KLF7: variants seen among roughly 807,000 people sequenced by gnomAD.
The protein encoded by KLF7 is KLF transcription factor 7.
Under a neutral mutation model 27.3 loss-of-function variants are expected in KLF7, and 2 were observed. The observed-to-expected ratio is 0.07, with a 90% CI of 0.03 to 0.23. The LOEUF (loss-of-function observed/expected upper bound fraction) is 0.23. Ranked by LOEUF, KLF7 falls within the 10% of genes least tolerant of loss-of-function variation. The pLI, the probability that KLF7 is intolerant of heterozygous loss-of-function variation, is 1.00. For missense variants in KLF7, 221 were observed against 394.1 expected, an observed-to-expected ratio of 0.56 and a Z score of 3.72; for synonymous variants, 165 against 162.4, an observed-to-expected ratio of 1.02 and a Z score of -0.12.
intron 1 of KLF7, among the ~76,000 whole-genome samples, chr2:207,148,541 A>G (rs1435577403): frequency 1.3e-5 from 2 of 152,212 alleles, no homozygotes; most frequent in Non-Finnish European, 2.9e-5. Context: ...TAGCCTAGTG[A>G]TCAGATCCAG....
At chr2:207,168,333 TAAAC>T (rs1559179334), upstream of KLF7, among the ~76,000 whole-genome samples, 1 of 152,234 alleles carries the variant, frequency 6.6e-6, no homozygotes, top group East Asian at 1.9e-4. Flanking sequence ...CGTATGCGCA[TAAAC>T]ACTTTATATG....
intron 1 of KLF7, among the ~76,000 whole-genome samples, chr2:207,136,180 G>A (rs2077781857): frequency 6.6e-6 from 1 of 151,938 alleles, no homozygotes; most frequent in South Asian, 2.1e-4. Context: ...TTCCTTCCCT[G>A]AAAAAAATGG....
intron 3 of KLF7, among the ~76,000 whole-genome samples, chr2:207,085,556 T>C (rs2076368386): frequency 6.6e-6 from 1 of 152,204 alleles, no homozygotes; most frequent in Non-Finnish European, 1.5e-5. Context: ...GCACTACTAC[T>C]GTGCTTTCTT....
rs116308054 is a variant in KLF7, at chr2:207,104,289, A to C, written c.734-15708T>G. Among the ~76,000 whole-genome samples the C allele has an allele frequency of 5.2e-3, 793 of 152,368 alleles. 12 individuals carry two copies. The highest frequency in any genetic ancestry group is 0.018 in the African/African-American group (768 of 41,588). On this transcript the variant is annotated intron_variant, in intron 2 of 3. Transcript: ENST00000309446. ...AGTGGCAGAATCAATCTCTGATGAA[A>C]TGTCTATATTTTCCTTCCTCGTGTA...
chr2:207,166,401 C>T (rs1339080225), upstream of KLF7: 6 of 157,836 alleles, frequency 3.8e-5, no homozygotes, highest in African/African-American at 1.4e-4. Context: ...AGCGCGAGCG[C>T]AAGGGACAGG....
chr2:207,105,844 C>A (rs2076871627), intron 2 of KLF7, among the ~76,000 whole-genome samples: 1 of 152,162 alleles, frequency 6.6e-6, no homozygotes. Flanking sequence ...GTCTCCTAGA[C>A]CCTAGCACAG....
chr2:207,092,619 G>A (rs1014876681), intron 2 of KLF7, among the ~76,000 whole-genome samples: 10 of 152,154 alleles, frequency 6.6e-5, no homozygotes, highest in Admixed American at 2.0e-4. Flanking sequence ...AAGAACTCGC[G>A]TTCTCCCACA....
chr2:207,147,922 T>C (rs1171746367), intron 1 of KLF7, among the ~76,000 whole-genome samples: 1 of 152,206 alleles, frequency 6.6e-6, no homozygotes, highest in East Asian at 1.9e-4. Flanking sequence ...GACAAAACCA[T>C]GTTTTCCAAT....
At chr2:207,111,910 C>T (rs1023770028) in intron 2 of KLF7, among the ~76,000 whole-genome samples, 2 of 152,080 alleles carry the variant, frequency 1.3e-5, no homozygotes, top group African/African-American at 4.8e-5. Flanking sequence ...ATCCAATCAA[C>T]CGGTGAAGAG....
At chr2:207,114,117 C>T (rs2077113093) in intron 2 of KLF7, among the ~76,000 whole-genome samples, 1 of 152,206 alleles carries the variant, frequency 6.6e-6, no homozygotes, top group African/African-American at 2.4e-5. Context: ...CCACACATTA[C>T]ATTTTCAAAT....
intron 2 of KLF7, among the ~76,000 whole-genome samples, chr2:207,107,369 A>G (rs758828947): frequency 5.9e-5 from 9 of 152,116 alleles, no homozygotes; most frequent in East Asian, 3.9e-4. Flanking sequence ...CCCCACCCCA[A>G]TCTTTTTTGT....
intron 1 of KLF7, among the ~76,000 whole-genome samples, chr2:207,141,822 T>G (rs1286713609): frequency 6.6e-6 from 1 of 152,164 alleles, no homozygotes; most frequent in Non-Finnish European, 1.5e-5. Flanking sequence ...CAAATTATGG[T>G]ATAACTGTCT....
In KLF7 at chr2:207,081,234, G is replaced by C; in HGVS notation, c.888C>G (p.Leu296=). The change falls in exon 4 of 4, where the codon CTC becomes CTG. Residue 296 remains leucine, a synonymous_variant. Transcript: ENST00000309446. The part of the protein sequence containing the change: ...RCFSRSDHLA[L]HMKRHI Reference sequence around the variant, plus strand: ...TTTTTTAGATATGTCTCTTCATGTGGAGGGCAAGATGGTCAGACCTGGAAA... The same window carrying C: ...TTTTTTAGATATGTCTCTTCATGTGCAGGGCAAGATGGTCAGACCTGGAAA... The C allele has an allele frequency of 6.2e-7, 1 of 1,614,118 alleles. No homozygotes were observed. The highest frequency in any genetic ancestry group is 8.5e-7 in the Non-Finnish European group (1 of 1,179,962).
chr2:207,145,797 T>C (rs189849330), intron 1 of KLF7, among the ~76,000 whole-genome samples: 10 of 150,844 alleles, frequency 6.6e-5, no homozygotes, highest in Admixed American at 4.6e-4. Context: ...GGTTCACCAC[T>C]GCATCCTCAG....
At position 207,099,892 on chromosome 2, in the gene KLF7, G is replaced by A. The variant is rs149840729; in HGVS notation, c.734-11311C>T. Reference sequence around the variant, plus strand: ...CACCTGTAATCCCAGCACTTTGGGAGGCCATAGCAGGCAGATCACCTGAGC... The same window carrying A: ...CACCTGTAATCCCAGCACTTTGGGAAGCCATAGCAGGCAGATCACCTGAGC... On this transcript the variant is annotated intron_variant, in intron 2 of 3. Transcript: ENST00000309446. Among the ~76,000 whole-genome samples the A allele has an allele frequency of 2.4e-3, 365 of 152,232 alleles. 2 individuals carry two copies. The highest frequency in any genetic ancestry group is 8.5e-3 in the African/African-American group (351 of 41,516).
At chr2:207,107,108 C>T (rs147322716) in intron 2 of KLF7, among the ~76,000 whole-genome samples, 208 of 152,200 alleles carry the variant, frequency 1.4e-3, no homozygotes, top group Non-Finnish European at 2.6e-3. Context: ...ATACCTGCCC[C>T]GTAGGAAGGG....
intron 2 of KLF7, among the ~76,000 whole-genome samples, chr2:207,093,357 T>C (rs2076554129): frequency 6.6e-6 from 1 of 152,122 alleles, no homozygotes; most frequent in African/African-American, 2.4e-5. Context: ...ACCTCTCCAA[T>C]ATCATCTCCT....
At chr2:207,089,448 T>TA (rs780232056) in intron 2 of KLF7, among the ~76,000 whole-genome samples, 12 of 152,202 alleles carry the variant, frequency 7.9e-5, no homozygotes, top group Non-Finnish European at 1.6e-4. Flanking sequence ...GACTTTGCCT[T>TA]AGACCTTTTT....
chr2:207,119,159 G>A (rs1389648388), intron 2 of KLF7, among the ~76,000 whole-genome samples: 1 of 152,176 alleles, frequency 6.6e-6, no homozygotes, highest in African/African-American at 2.4e-5. Context: ...CAAGCAGCAC[G>A]TTCAGAGAAC....
Sources: allele counts gnomAD v4.1 joint callset (sites outside exome capture counted in the v4.1 genomes callset), GRCh38; gene constraint gnomAD v4.1.1; transcripts MANE v1.5; gene names NCBI Gene and HGNC (gene_info 2026-07-23, HGNC 2026-07-21).